DPH6: variants seen among roughly 807,000 people sequenced by gnomAD.
DPH6 encodes the protein diphthine--ammonia ligase.
A neutral mutation model predicts 38.2 loss-of-function variants in DPH6; 33 were observed. The ratio of observed to expected loss-of-function variants is 0.86; its 90% CI spans 0.65 to 1.15. DPH6 has a LOEUF of 1.15. Among genes scored for constraint, DPH6 ranks in the 50% most tolerant of loss-of-function variants. The pLI is 0.00. For missense variants in DPH6, 325 were observed against 320.0 expected, an observed-to-expected ratio of 1.02 and a Z score of -0.12; for synonymous variants, 108 against 103.0, an observed-to-expected ratio of 1.05 and a Z score of -0.30.
chr15:35,511,289 G>A (rs1038866092), intron 3 of DPH6, among the ~76,000 whole-genome samples: 1 of 152,018 alleles, frequency 6.6e-6, no homozygotes, highest in Non-Finnish European at 1.5e-5. Flanking sequence ...TATTACAGAT[G>A]ACCATAATCT....
At chr15:35,269,782 G>A (rs1196294915) in intron 3 of DPH6, among the ~76,000 whole-genome samples, 1 of 143,092 alleles carries the variant, frequency 7.0e-6, no homozygotes, top group Non-Finnish European at 1.5e-5. Flanking sequence ...ATTGTTAAGG[G>A]TGTGTTTCTT....
chr15:35,244,702 C>T (rs1184741967), intron 3 of DPH6, among the ~76,000 whole-genome samples: 1 of 152,112 alleles, frequency 6.6e-6, no homozygotes, highest in Non-Finnish European at 1.5e-5. Flanking sequence ...AATTTTAAAA[C>T]AACTTTGGAT....
At chr15:35,398,932 G>A (rs933852774) in intron 6 of DPH6, among the ~76,000 whole-genome samples, 14 of 152,022 alleles carry the variant, frequency 9.2e-5, no homozygotes, top group Non-Finnish European at 1.5e-5. Flanking sequence ...TGTGTTTAGT[G>A]GTGTGCAAGC....
chr15:35,437,316 C>T (rs1366617233), intron 5 of DPH6, among the ~76,000 whole-genome samples: 1 of 151,924 alleles, frequency 6.6e-6, no homozygotes, highest in Non-Finnish European at 1.5e-5. Context: ...CTTCTTTTTC[C>T]TTTTTCCTCC....
the DPH6 span, among the ~76,000 whole-genome samples, chr15:35,191,578 C>T: frequency 3.3e-5 from 5 of 152,302 alleles, no homozygotes; most frequent in South Asian, 1.0e-3. Flanking sequence ...CACCTTTCCC[C>T]TATGAAGCCC....
chr15:35,220,834 A>G (rs1368801375), intron 3 of DPH6, among the ~76,000 whole-genome samples: 2 of 152,126 alleles, frequency 1.3e-5, no homozygotes, highest in African/African-American at 4.8e-5. Flanking sequence ...TTTTTGAAGT[A>G]TTCCACCTCT....
At chr15:35,483,468 A>G (rs557093490) in intron 3 of DPH6, among the ~76,000 whole-genome samples, 1 of 148,986 alleles carries the variant, frequency 6.7e-6, no homozygotes, top group Admixed American at 6.7e-5. Flanking sequence ...TGTCTCAAAA[A>G]AAAACCAAAA....
chr15:35,483,953 T>A (rs191247010), intron 3 of DPH6, among the ~76,000 whole-genome samples: 1 of 152,336 alleles, frequency 6.6e-6, no homozygotes, highest in Admixed American at 6.5e-5. Flanking sequence ...GATGATTTCA[T>A]TTACATGAAA....
At chr15:35,246,597 C>T (rs1197981619) in intron 3 of DPH6, among the ~76,000 whole-genome samples, 1 of 152,150 alleles carries the variant, frequency 6.6e-6, no homozygotes, top group Admixed American at 6.5e-5. Context: ...CCCCATGATA[C>T]AGGCATTTAA....
At chr15:35,149,935 T>C in the DPH6 span, among the ~76,000 whole-genome samples, 4 of 152,156 alleles carry the variant, frequency 2.6e-5, no homozygotes, top group Admixed American at 6.5e-5. Flanking sequence ...GGACAGTGAG[T>C]GCAGAAATAT....
At chr15:35,237,020 A>C (rs989064235) in intron 3 of DPH6, 1 of 301,520 alleles carries the variant, frequency 3.3e-6, no homozygotes. Flanking sequence ...TGTTGAAGGA[A>C]GTTTTATACT....
intron 3 of DPH6, among the ~76,000 whole-genome samples, chr15:35,278,910 G>A (rs992037825): frequency 1.3e-4 from 20 of 151,934 alleles, no homozygotes; most frequent in Middle Eastern, 3.4e-3. Flanking sequence ...TTACGTGGGC[G>A]TGGTGGCACA....
At chr15:35,329,411 T>C (rs560523252), downstream of DPH6, among the ~76,000 whole-genome samples, 10 of 152,272 alleles carry the variant, frequency 6.6e-5, no homozygotes, top group South Asian at 1.9e-3. Context: ...AGGCAACTTA[T>C]TTTAATTTTA....
intron 7 of DPH6, among the ~76,000 whole-genome samples, chr15:35,378,793 G>A (rs546328326): frequency 6.6e-6 from 1 of 151,950 alleles, no homozygotes; most frequent in South Asian, 2.1e-4. Flanking sequence ...CATGGACACA[G>A]GGAGGGGAAC....
the DPH6 span, among the ~76,000 whole-genome samples, chr15:35,151,683 C>T: frequency 6.6e-6 from 1 of 152,188 alleles, no homozygotes; most frequent in East Asian, 1.9e-4. Flanking sequence ...CAGTGTGGTG[C>T]CTGCCTTGTG....
At chr15:35,148,281 T>C in the DPH6 span, among the ~76,000 whole-genome samples, 8 of 152,354 alleles carry the variant, frequency 5.3e-5, no homozygotes, top group East Asian at 1.9e-4. Context: ...GACTGTACTA[T>C]AGTTTGGCTC....
At chr15:35,216,924 T>C (rs2051413709), downstream of DPH6, among the ~76,000 whole-genome samples, 1 of 152,146 alleles carries the variant, frequency 6.6e-6, no homozygotes, top group Admixed American at 6.5e-5. Flanking sequence ...AGATGTATAT[T>C]TGGGGAGGAC....
chr15:35,501,782 T>G (rs751970813), intron 3 of DPH6, among the ~76,000 whole-genome samples: 9 of 152,164 alleles, frequency 5.9e-5, no homozygotes, highest in Non-Finnish European at 1.3e-4. Flanking sequence ...ATTTTGTTCA[T>G]GTACTTTTAA....
chr15:35,463,118 T>C (rs1321163393), intron 3 of DPH6, among the ~76,000 whole-genome samples: 1 of 152,128 alleles, frequency 6.6e-6, no homozygotes, highest in East Asian at 1.9e-4. Context: ...TTAGATACTT[T>C]TTGTCAAACA....
Sources: allele counts gnomAD v4.1 joint callset (sites outside exome capture counted in the v4.1 genomes callset), GRCh38; gene constraint gnomAD v4.1.1; transcripts MANE v1.5; gene names NCBI Gene and HGNC (gene_info 2026-07-23, HGNC 2026-07-21).